Variants in ITSN1 observed in about 807,000 individuals in gnomAD.
The protein encoded by ITSN1 is intersectin 1.
ITSN1 carries 58 observed loss-of-function variants against 239.8 expected under a neutral mutation model. The observed-to-expected ratio is 0.24, with a 90% CI of 0.20 to 0.30. The LOEUF (loss-of-function observed/expected upper bound fraction) is 0.30, where lower values mean the gene tolerates loss of function less well. Ranked by LOEUF, ITSN1 falls within the 10% of genes least tolerant of loss-of-function variation. The probability of loss-of-function intolerance (pLI) is 1.00; values close to 1 mark genes in which losing one functional copy is unlikely to be tolerated. For missense variants in ITSN1, 1,558 were observed against 2,103.3 expected (o/e 0.74, Z 5.07); for synonymous variants, 780 against 770.8 (o/e 1.01, Z -0.20).
intron 5 of ITSN1, among the ~76,000 whole-genome samples, chr21:33,739,465 A>G (rs991556396): frequency 6.6e-6 from 1 of 152,194 alleles, no homozygotes; most frequent in Non-Finnish European, 1.5e-5. Flanking sequence ...GCTGGCCAGC[A>G]AGACCTCATG....
intron 2 of ITSN1, among the ~76,000 whole-genome samples, chr21:33,720,008 C>G (rs997777678): frequency 2.0e-5 from 3 of 152,192 alleles, no homozygotes; most frequent in African/African-American, 7.2e-5. Flanking sequence ...GTACAGAGAT[C>G]TGTAAACTTT....
At position 33,772,648 on chromosome 21, in the gene ITSN1, G is replaced by A. The variant is rs1377644372; in HGVS notation, c.1305+325G>A. 2.0e-5 allele frequency among the ~76,000 whole-genome samples: 3 copies of A among 152,210 alleles called. No homozygotes were observed. The South Asian group carries it at 6.2e-4, about 32-fold the overall frequency. ...GACTTTTGTTTCTGGCTTTCATTTA[G>A]CATAATGTTTTCAAGGTTCATCCAC... On this transcript the variant is annotated intron_variant, in intron 12 of 39. Coordinates refer to ENST00000381318, the MANE Select transcript of ITSN1 (RefSeq NM_003024.3).
At chr21:33,747,237 A>T (rs1341685515) in intron 5 of ITSN1, among the ~76,000 whole-genome samples, 2 of 152,194 alleles carry the variant, frequency 1.3e-5, no homozygotes, top group African/African-American at 4.8e-5. Flanking sequence ...AAGATAGCAG[A>T]AGACAGAGTC....
At chr21:33,864,893 A>G (rs1022229798) in intron 31 of ITSN1, among the ~76,000 whole-genome samples, 2 of 152,160 alleles carry the variant, frequency 1.3e-5, no homozygotes, top group African/African-American at 4.8e-5. Context: ...GAGTTGTTCA[A>G]GAAAAAAACT....
chr21:33,644,980 C>T (rs1291056592), intron 1 of ITSN1, among the ~76,000 whole-genome samples: 5 of 151,926 alleles, frequency 3.3e-5, no homozygotes, highest in Non-Finnish European at 7.4e-5. Context: ...CGCCACCATG[C>T]CCAGCTAATT....
chr21:33,766,732 A>C (rs140265995), intron 10 of ITSN1, among the ~76,000 whole-genome samples: 1 of 152,248 alleles, frequency 6.6e-6, no homozygotes, highest in Non-Finnish European at 1.5e-5. Flanking sequence ...TACAGGAGCA[A>C]GCTGAGGAAA....
chr21:33,740,670 C>A (rs2066790985), intron 5 of ITSN1, among the ~76,000 whole-genome samples: 1 of 152,108 alleles, frequency 6.6e-6, no homozygotes, highest in Non-Finnish European at 1.5e-5. Context: ...GTGATGGCAG[C>A]CAGAATACGG....
Position 33,897,220 on chromosome 21 carries a change from G to C in ITSN1, c.*8920G>C, listed in dbSNP as rs944535238. On this transcript the variant is annotated 3_prime_UTR_variant, in exon 40 of 40. Coordinates refer to ENST00000381318, the MANE Select transcript of ITSN1 (RefSeq NM_003024.3). The stretch of plus-strand genomic sequence containing the variant: ...CATGGCCAATAGCCCAAGTATCTTT[G>C]AACTGTGAAATCAACCTCAGATCTC... The C allele has an allele frequency of 6.6e-6, 1 of 152,202 alleles. No individual in the cohort carries two copies. The highest frequency in any genetic ancestry group is 2.4e-5 in the African/African-American group (1 of 41,440). The allele number at this position is 152,202 out of a possible 1,614,324, so 9.4% of individuals were successfully genotyped here.
intron 5 of ITSN1, among the ~76,000 whole-genome samples, chr21:33,745,132 A>G (rs527557810): frequency 1.4e-4 from 21 of 152,226 alleles, no homozygotes; most frequent in African/African-American, 2.2e-4. Flanking sequence ...AAAGACAGCT[A>G]CATTTTGTGT....
chr21:33,759,108 G>A (rs1405411064), intron 8 of ITSN1, among the ~76,000 whole-genome samples: 1 of 152,160 alleles, frequency 6.6e-6, no homozygotes, highest in Non-Finnish European at 1.5e-5. Context: ...AAATATTTTA[G>A]GCTCATAGGT....
chr21:33,753,994 A>T (rs976564389), intron 7 of ITSN1, among the ~76,000 whole-genome samples: 1 of 152,138 alleles, frequency 6.6e-6, no homozygotes, highest in Non-Finnish European at 1.5e-5. Context: ...ACTTTTGGGT[A>T]CATCTTCATG....
chr21:33,845,523 G>A (rs1163969555), intron 29 of ITSN1, among the ~76,000 whole-genome samples: 1 of 151,650 alleles, frequency 6.6e-6, no homozygotes, highest in Non-Finnish European at 1.5e-5. Context: ...GAATCTACTT[G>A]GTCTGCAAAC....
At chr21:33,794,924 C>T (rs1480477740) in intron 17 of ITSN1, among the ~76,000 whole-genome samples, 3 of 152,166 alleles carry the variant, frequency 2.0e-5, no homozygotes, top group Non-Finnish European at 4.4e-5. Context: ...GGAAATTTGC[C>T]ACCGCTGCTT....
At chr21:33,710,161 C>T (rs931637968) in intron 1 of ITSN1, among the ~76,000 whole-genome samples, 1 of 150,830 alleles carries the variant, frequency 6.6e-6, no homozygotes, top group African/African-American at 2.4e-5. Flanking sequence ...TCACTGCAAG[C>T]TCTGCCTCCC....
In ITSN1 at chr21:33,797,497, A is replaced by G. The variant is rs139761574; in HGVS notation, c.2071A>G (p.Lys691Glu). 1.9e-5 allele frequency: 30 copies of G among 1,614,066 alleles called. No homozygotes were observed. The African/African-American group carries it at 3.5e-4, about 19-fold the overall frequency. ...GAAAAGGGAGGAGAGTGTCAAAAAG[A>G]AGGATGGCGAGGAAAAAGGCAAACA... ...KLKREESVKK[K>E]DGEEKGKQEA... Residue 691 changes from lysine (K) to glutamate (E), a missense_variant, in exon 18 of 40, where the codon AAG (lysine) becomes GAG (glutamate). Physicochemically the swap from Lys to Glu is moderately conservative, Grantham distance 56 (BLOSUM62 1). Coordinates refer to ENST00000381318, the MANE Select transcript of ITSN1 (RefSeq NM_003024.3). The surrounding 1 kb of genome is among the most constrained non-coding windows in gnomAD (Gnocchi z 4.9).
At chr21:33,664,074 G>C (rs2089757186) in intron 1 of ITSN1, among the ~76,000 whole-genome samples, 1 of 152,244 alleles carries the variant, frequency 6.6e-6, no homozygotes, top group Non-Finnish European at 1.5e-5. Context: ...GGATTCTGGA[G>C]CCAAGCTGCT....
chr21:33,687,006 T>A (rs961294711), intron 1 of ITSN1, among the ~76,000 whole-genome samples: 4 of 152,184 alleles, frequency 2.6e-5, no homozygotes, highest in Non-Finnish European at 5.9e-5. Flanking sequence ...TCTTTTTCTT[T>A]TGGTTAACTT....
chr21:33,702,139 G>A (rs868281880), intron 1 of ITSN1, among the ~76,000 whole-genome samples: 4 of 145,180 alleles, frequency 2.8e-5, no homozygotes, highest in Non-Finnish European at 4.5e-5. Flanking sequence ...TTTTTTAGAC[G>A]GAGTCTTGCT....
intron 21 of ITSN1, among the ~76,000 whole-genome samples, chr21:33,811,850 G>A (rs889624163): frequency 2.6e-5 from 4 of 152,192 alleles, no homozygotes; most frequent in African/African-American, 9.7e-5. Context: ...CCATGACCTA[G>A]ATGAGCAATT....
Sources: allele counts gnomAD v4.1 joint callset (sites outside exome capture counted in the v4.1 genomes callset), GRCh38; gene constraint gnomAD v4.1.1; non-coding constraint Gnocchi (gnomAD v3.1); transcripts MANE v1.5; gene names NCBI Gene and HGNC (gene_info 2026-07-23, HGNC 2026-07-21).